Variants in FRMPD1 observed in about 807,000 individuals in gnomAD.
FRMPD1 encodes the protein FERM and PDZ domain-containing protein 1.
FRMPD1 carries 76 observed loss-of-function variants against 117.8 expected under a neutral mutation model. That is an observed-to-expected ratio of 0.65 (90% CI 0.54 to 0.78). The LOEUF (loss-of-function observed/expected upper bound fraction) is 0.78, where lower values mean the gene tolerates loss of function less well. FRMPD1 is among the 30% of genes least tolerant of loss of function. FRMPD1 has a pLI of 0.00. For missense variants in FRMPD1, 1,786 were observed against 1,964.5 expected (o/e 0.91, Z 1.72); for synonymous variants, 783 against 770.4 (o/e 1.02, Z -0.27).
chr9:37,684,081 A>G (rs1198858493), intron 1 of FRMPD1, among the ~76,000 whole-genome samples: 67 of 124,120 alleles, frequency 5.4e-4, no homozygotes, highest in East Asian at 1.1e-3. Context: ...TGGGGGGAAC[A>G]ACAGGTAATA....
the FRMPD1 span, among the ~76,000 whole-genome samples, chr9:37,639,788 G>A: frequency 6.6e-6 from 1 of 152,148 alleles, no homozygotes; most frequent in African/African-American, 2.4e-5. Flanking sequence ...AGCCACCCAA[G>A]TAACTGGGAC....
chr9:37,669,060 C>T lies in FRMPD1; in HGVS notation c.-5+17966C>T, dbSNP rs375365773. Reference sequence around the variant, plus strand: ...GGATAATGAGCAATCTTTGGTTACACAGCTAACTAGTGACAGAATCAGGAC... The same window carrying T: ...GGATAATGAGCAATCTTTGGTTACATAGCTAACTAGTGACAGAATCAGGAC... On this transcript the variant is annotated intron_variant, in intron 1 of 15. Transcript: ENST00000377765. Among the ~76,000 whole-genome samples the T allele has an allele frequency of 9.0e-4, 137 of 152,268 alleles. 2 individuals carry two copies. The highest frequency in any genetic ancestry group is 3.0e-3 in the African/African-American group (124 of 41,536).
Position 37,740,531 on chromosome 9 carries a change from A to G in FRMPD1, c.2003A>G (p.Gln668Arg). 1.2e-6 allele frequency: 2 copies of G among 1,614,168 alleles called. No homozygotes were observed. The highest frequency in any genetic ancestry group is 1.1e-5 in the South Asian group (1 of 91,086). The change falls in exon 15 of 16, where the codon CAG (glutamine) becomes CGG (arginine). Residue 668 changes from glutamine to arginine, a missense_variant. Transcript: ENST00000377765. The surrounding 1 kb of genome is among the most constrained non-coding windows in gnomAD (Gnocchi z 4.2). ...GACCTGGCCCAGAGAGCCAACCCCC[A>G]GTGCCAGAAGACAGAGTTTTCCGAG... ...LLDLAQRANPQCQKTEFSESA... is the reference protein window; with the variant it reads ...LLDLAQRANPRCQKTEFSESA...
At chr9:37,658,989 C>G (rs965848239) in intron 1 of FRMPD1, among the ~76,000 whole-genome samples, 1 of 152,088 alleles carries the variant, frequency 6.6e-6, no homozygotes, top group Admixed American at 6.5e-5. Context: ...CCTCAGCCTT[C>G]TAAATTGCTG....
At chr9:37,649,633 C>T (rs1356108813), upstream of FRMPD1, among the ~76,000 whole-genome samples, 1 of 152,208 alleles carries the variant, frequency 6.6e-6, no homozygotes, top group Non-Finnish European at 1.5e-5. Flanking sequence ...CTCCAAAGTG[C>T]TGCTAGTCTT....
chr9:37,617,875 C>G, the FRMPD1 span, among the ~76,000 whole-genome samples: 1 of 152,302 alleles, frequency 6.6e-6, no homozygotes, highest in South Asian at 2.1e-4. Context: ...GCTGCCCTTT[C>G]GTGGGTCCCA....
chr9:37,717,815 T>C (rs1391991375), intron 5 of FRMPD1, among the ~76,000 whole-genome samples: 3 of 152,176 alleles, frequency 2.0e-5, no homozygotes, highest in Non-Finnish European at 2.9e-5. Context: ...CCGTGGATGA[T>C]ACCAACTGTT....
In FRMPD1 at chr9:37,708,388, C is replaced by G. The variant is rs1409831947; in HGVS notation, c.260-11C>G. The G allele has an allele frequency of 1.3e-6, 2 of 1,555,136 alleles. No homozygotes were observed. Among genetic ancestry groups the G allele is most frequent in the Admixed American group, 3.3e-5 (2 of 59,722 alleles). On this transcript the variant is annotated splice_polypyrimidine_tract_variant and intron_variant, in intron 3 of 15. Transcript: ENST00000377765. Reference sequence around the variant, plus strand: ...GGCATGAGCACCAATTACTTATTTTCTGTCCAACAGGAGGCTCTGCTCACG... The same window carrying G: ...GGCATGAGCACCAATTACTTATTTTGTGTCCAACAGGAGGCTCTGCTCACG...
At chr9:37,688,844 C>G (rs541529776) in intron 1 of FRMPD1, among the ~76,000 whole-genome samples, 6 of 151,856 alleles carry the variant, frequency 4.0e-5, no homozygotes, top group Non-Finnish European at 8.8e-5. Context: ...AATTAACTTG[C>G]TAATTGGGAG....
chr9:37,615,319 T>C, the FRMPD1 span, among the ~76,000 whole-genome samples: 11 of 152,136 alleles, frequency 7.2e-5, no homozygotes, highest in South Asian at 2.3e-3. Flanking sequence ...CTGTGTTGCC[T>C]AGGCTGGTCT....
chr9:37,651,366 AC>A (rs912453198), intron 1 of FRMPD1, among the ~76,000 whole-genome samples: 3 of 152,150 alleles, frequency 2.0e-5, no homozygotes, highest in African/African-American at 7.2e-5. Context: ...AACAGCGGCA[AC>A]GCGGGAGGGG....
intron 9 of FRMPD1, 28 bp from the exon 10 acceptor site, chr9:37,732,276 C>A (rs763512457): frequency 6.2e-7 from 1 of 1,610,446 alleles, no homozygotes; most frequent in South Asian, 1.1e-5. Flanking sequence ...GCTTTTGTTT[C>A]CCATCTGCTC....
intron 1 of FRMPD1, among the ~76,000 whole-genome samples, chr9:37,679,462 G>A (rs1056434354): frequency 6.6e-6 from 1 of 152,180 alleles, no homozygotes; most frequent in Admixed American, 6.5e-5. Context: ...CATCAGCATA[G>A]TCAACTTGAG....
At chr9:37,720,085 C>T (rs1416845589) in intron 6 of FRMPD1, among the ~76,000 whole-genome samples, 12 of 152,196 alleles carry the variant, frequency 7.9e-5, no homozygotes, top group Admixed American at 7.8e-4. Flanking sequence ...ATCCAGGTGA[C>T]ATGGTCCACA....
intron 1 of FRMPD1, among the ~76,000 whole-genome samples, chr9:37,684,688 T>C (rs1821858100): frequency 6.6e-6 from 1 of 151,972 alleles, no homozygotes; most frequent in East Asian, 1.9e-4. Flanking sequence ...GGGACCAAGG[T>C]CAACAGAATT....
At chr9:37,711,722 T>A (rs539114348) in intron 5 of FRMPD1, among the ~76,000 whole-genome samples, 2 of 152,178 alleles carry the variant, frequency 1.3e-5, no homozygotes, top group South Asian at 4.1e-4. Flanking sequence ...GGGAAAATCA[T>A]TTAGTTTCAG....
At chr9:37,744,326 C>T (rs1588976840) in intron 15 of FRMPD1, 63 bp from the exon 16 acceptor site, 1 of 1,297,496 alleles carries the variant, frequency 7.7e-7, no homozygotes, top group South Asian at 1.5e-5. Context: ...AGGCCTGAGC[C>T]CAAGCTCTAT....
intron 2 of FRMPD1, among the ~76,000 whole-genome samples, chr9:37,700,294 G>C (rs1458491909): frequency 6.6e-6 from 1 of 152,004 alleles, no homozygotes; most frequent in Non-Finnish European, 1.5e-5. Flanking sequence ...ACAGTGAATG[G>C]CCCCCTAGAA....
chr9:37,662,450 T>A (rs915872955), intron 1 of FRMPD1, among the ~76,000 whole-genome samples: 2 of 152,168 alleles, frequency 1.3e-5, no homozygotes, highest in African/African-American at 4.8e-5. Context: ...GTTACAGTCC[T>A]TGGCCTTACA....
Sources: gnomAD v4.1 joint callset for allele counts (sites outside exome capture counted in the v4.1 genomes callset) on GRCh38, gnomAD v4.1.1 for gene constraint, Gnocchi (gnomAD v3.1) non-coding constraint, MANE v1.5 for transcripts, NCBI Gene and HGNC (gene_info 2026-07-23, HGNC 2026-07-21) for gene names.